KIAA0319: variants seen among roughly 807,000 people sequenced by gnomAD.
The protein encoded by KIAA0319 is dyslexia-associated protein KIAA0319.
KIAA0319 carries 83 observed loss-of-function variants against 108.4 expected under a neutral mutation model. The observed-to-expected ratio is 0.77, with a 90% CI of 0.64 to 0.92. The LOEUF (loss-of-function observed/expected upper bound fraction) is 0.92. Ranked by LOEUF, KIAA0319 falls within the 40% of genes least tolerant of loss-of-function variation. The probability of loss-of-function intolerance (pLI) is 0.00; values close to 1 mark genes in which losing one functional copy is unlikely to be tolerated. For synonymous variants in KIAA0319, 484 were observed against 510.4 expected (o/e 0.95, Z 0.70); for missense variants, 1,195 against 1,322.4 (o/e 0.90, Z 1.49).
chr6:24,595,564 A>C (rs1462240887), intron 3 of KIAA0319, among the ~76,000 whole-genome samples: 2 of 101,628 alleles, frequency 2.0e-5, no homozygotes, highest in Non-Finnish European at 4.7e-5. Flanking sequence ...AAAAAAAAAA[A>C]AAAAAACGCT....
At chr6:24,630,683 G>GTGTA (rs1554182603) in intron 1 of KIAA0319, among the ~76,000 whole-genome samples, 2 of 100,694 alleles carry the variant, frequency 2.0e-5, no homozygotes, top group African/African-American at 6.1e-5. Context: ...GTGTATATGT[G>GTGTA]TATATATATA....
intron 1 of KIAA0319, among the ~76,000 whole-genome samples, chr6:24,616,148 A>C (rs1346226437): frequency 6.6e-6 from 1 of 152,180 alleles, no homozygotes; most frequent in East Asian, 1.9e-4. Flanking sequence ...CCTTGGAAAT[A>C]TTGCTTAAAT....
chr6:24,566,717 A>C lies in KIAA0319; in HGVS notation c.2172T>G (p.Gly724=). The C allele has an allele frequency of 6.2e-7, 1 of 1,613,414 alleles. No homozygotes were observed. Among genetic ancestry groups the C allele is most frequent in the Non-Finnish European group, 8.5e-7 (1 of 1,179,690 alleles). ...TGGGAAGCACAAGAACATGTCTGCC[A>C]CCAGCCCGGGCTCTGGGAGGACTAT... ...ENNSPPRARA[G]GRHVLVLPNN... Residue 724 remains glycine, a synonymous_variant, in exon 14 of 21, where the codon GGT becomes GGG. Coordinates refer to ENST00000378214, the MANE Select transcript of KIAA0319 (RefSeq NM_014809.4).
intron 17 of KIAA0319, among the ~76,000 whole-genome samples, chr6:24,558,147 T>C (rs1203356173): frequency 6.6e-6 from 1 of 151,926 alleles, no homozygotes. Flanking sequence ...CTGGGCGTGG[T>C]GGCTCAGCAC....
In KIAA0319 at chr6:24,556,799, ATCT is replaced by A. The variant is rs374752663; in HGVS notation, c.2735-73_2735-71del. The A allele has an allele frequency of 9.5e-5, 145 of 1,532,040 alleles. No homozygotes were observed. The African/African-American group carries it at 1.7e-3, about 18-fold the overall frequency. The allele number at this position is 1,532,040 out of a possible 1,614,324, so 94.9% of individuals were successfully genotyped here. On this transcript the variant is annotated intron_variant, in intron 17 of 20. Coordinates refer to ENST00000378214, the MANE Select transcript of KIAA0319 (RefSeq NM_014809.4). ...AATCCCTGGATTCAGCTTCTTTTGTATCTTCAGTAGCATAGGTCCCAAATAAAA... is the reference window on the plus strand; with the variant it reads ...AATCCCTGGATTCAGCTTCTTTTGTATCAGTAGCATAGGTCCCAAATAAAA...
chr6:24,563,132 A>T (rs1326415031), intron 16 of KIAA0319, among the ~76,000 whole-genome samples: 3 of 152,168 alleles, frequency 2.0e-5, no homozygotes, highest in Non-Finnish European at 4.4e-5. Flanking sequence ...CACCTCCTTC[A>T]CTCAGAACAT....
At chr6:24,634,548 CTGATA>C (rs1395985886) in intron 1 of KIAA0319, among the ~76,000 whole-genome samples, 6 of 152,126 alleles carry the variant, frequency 3.9e-5, no homozygotes, top group African/African-American at 1.4e-4. Flanking sequence ...TAAATATCAG[CTGATA>C]TAAGAGGCAG....
At chr6:24,606,165 G>T (rs1771373673) in intron 1 of KIAA0319, among the ~76,000 whole-genome samples, 1 of 152,166 alleles carries the variant, frequency 6.6e-6, no homozygotes, top group African/African-American at 2.4e-5. Context: ...TCAAACTCCT[G>T]ACCTCAAGTG....
chr6:24,589,814 A>G (rs1035803407), intron 3 of KIAA0319, among the ~76,000 whole-genome samples: 2 of 152,250 alleles, frequency 1.3e-5, no homozygotes, highest in African/African-American at 4.8e-5. Context: ...AAATAATTCA[A>G]TAGTAAACAG....
At chr6:24,552,011 TTC>T (rs1241610364) in intron 19 of KIAA0319, among the ~76,000 whole-genome samples, 1 of 152,022 alleles carries the variant, frequency 6.6e-6, no homozygotes, top group Admixed American at 6.5e-5. Context: ...CCCCACCTTT[TTC>T]TTTTTTTTTT....
chr6:24,543,603 G>A (rs143019163), downstream of KIAA0319, among the ~76,000 whole-genome samples: 148 of 152,160 alleles, frequency 9.7e-4, 1 homozygote, highest in African/African-American at 3.4e-3. Context: ...AAATTTTTGT[G>A]TGTGTGTTTT....
Position 24,561,370 on chromosome 6 carries a change from T to C in KIAA0319, c.2591+1989A>G, listed in dbSNP as rs185045027. 2.0e-5 allele frequency among the ~76,000 whole-genome samples: 3 copies of C among 152,364 alleles called. No individual in the cohort carries two copies. In the East Asian group the frequency reaches 5.8e-4, roughly 29 times the overall value. ...CAGTGAAGCCATCTGGTCTTGAATTTTGTGGAAAGTTTTAACATTACTAAT... is the reference window on the plus strand; with the variant it reads ...CAGTGAAGCCATCTGGTCTTGAATTCTGTGGAAAGTTTTAACATTACTAAT... On this transcript the variant is annotated intron_variant, in intron 16 of 20. Transcript: ENST00000378214.
At chr6:24,576,675 T>G (rs1765586287) in intron 9 of KIAA0319, 79 bp from the exon 10 acceptor site, 14 of 1,119,574 alleles carry the variant, frequency 1.3e-5, no homozygotes, top group Middle Eastern at 5.4e-4. Flanking sequence ...ATCCCAACAC[T>G]GTGGGAAGCT....
At chr6:24,551,021 C>T (rs1419020936) in intron 20 of KIAA0319, among the ~76,000 whole-genome samples, 1 of 152,130 alleles carries the variant, frequency 6.6e-6, no homozygotes, top group Non-Finnish European at 1.5e-5. Flanking sequence ...GTCTGTAGCC[C>T]AAGCTGTAGT....
intron 11 of KIAA0319, among the ~76,000 whole-genome samples, chr6:24,571,957 G>A (rs902370496): frequency 6.6e-6 from 1 of 152,244 alleles, no homozygotes; most frequent in Non-Finnish European, 1.5e-5. Context: ...CAGAGATCAA[G>A]TCTATCTTGT....
intron 1 of KIAA0319, among the ~76,000 whole-genome samples, chr6:24,635,741 C>T (rs1776123717): frequency 6.6e-6 from 1 of 152,202 alleles, no homozygotes; most frequent in Non-Finnish European, 1.5e-5. Flanking sequence ...CCAAAATGAG[C>T]TTGGACACAG....
chr6:24,596,546 G>A lies in KIAA0319; in HGVS notation c.128C>T (p.Thr43Ile), dbSNP rs750917918. The A allele has an allele frequency of 1.2e-6, 2 of 1,613,946 alleles. No homozygotes were observed. The highest frequency in any genetic ancestry group is 1.7e-6 in the Non-Finnish European group (2 of 1,179,980). The change falls in exon 3 of 21, where the codon ACC becomes ATC. Residue 43 changes from threonine (T) to isoleucine (I), a missense_variant. Physicochemically the swap from Thr to Ile is moderately conservative, Grantham distance 89 (BLOSUM62 -1). Transcript: ENST00000378214. Reference sequence around the variant, plus strand: ...GGTGTGAGACACCCGCATGATTCTGGTGGTTTCCAAGTTAGGTGAAATGAC... The same window carrying A: ...GGTGTGAGACACCCGCATGATTCTGATGGTTTCCAAGTTAGGTGAAATGAC... Reference protein sequence around the residue: ...NAVISPNLETTRIMRVSHTFP... With the variant: ...NAVISPNLETIRIMRVSHTFP...
At chr6:24,597,782 A>C (rs1465569483) in intron 2 of KIAA0319, among the ~76,000 whole-genome samples, 1 of 151,866 alleles carries the variant, frequency 6.6e-6, no homozygotes, top group Non-Finnish European at 1.5e-5. Flanking sequence ...GCTGAGTGTG[A>C]TGGTTCACAC....
chr6:24,570,250 G>T (rs1428917478), intron 11 of KIAA0319, among the ~76,000 whole-genome samples: 2 of 152,214 alleles, frequency 1.3e-5, no homozygotes, highest in African/African-American at 4.8e-5. Flanking sequence ...AGGCAGCCAA[G>T]AAACACTGTC....
Sources: gnomAD v4.1 joint callset for allele counts (sites outside exome capture counted in the v4.1 genomes callset) on GRCh38, gnomAD v4.1.1 for gene constraint, MANE v1.5 for transcripts, NCBI Gene and HGNC (gene_info 2026-07-23, HGNC 2026-07-21) for gene names.